PPARGC1A: variants seen among roughly 807,000 people sequenced by gnomAD.
The protein encoded by PPARGC1A is PPARG coactivator 1 alpha.
PPARGC1A carries 25 observed loss-of-function variants against 88.7 expected under a neutral mutation model. That is an observed-to-expected ratio of 0.28 (90% CI 0.21 to 0.39). The LOEUF (loss-of-function observed/expected upper bound fraction) is 0.39, where lower values mean the gene tolerates loss of function less well. Ranked by LOEUF, PPARGC1A falls within the 10% of genes least tolerant of loss-of-function variation. PPARGC1A has a pLI of 1.00. For synonymous variants in PPARGC1A, 363 were observed against 355.6 expected (o/e 1.02, Z -0.24); for missense variants, 880 against 968.7 (o/e 0.91, Z 1.22).
the PPARGC1A span, among the ~76,000 whole-genome samples, chr4:24,109,029 A>ACG: frequency 4.1e-5 from 6 of 147,168 alleles, no homozygotes; most frequent in East Asian, 1.2e-3. Context: ...CCACACACAC[A>ACG]CACACACCAC....
chr4:24,448,293 C>T, the PPARGC1A span, among the ~76,000 whole-genome samples: 1 of 152,186 alleles, frequency 6.6e-6, no homozygotes, highest in Non-Finnish European at 1.5e-5. Flanking sequence ...CCCTAGAATG[C>T]TGGTAAGCAG....
the PPARGC1A span, among the ~76,000 whole-genome samples, chr4:24,429,173 G>A: frequency 1.5e-3 from 227 of 152,294 alleles, no homozygotes; most frequent in African/African-American, 5.1e-3. Context: ...AGCTGTGTGC[G>A]TGTGTACACA....
At chr4:24,107,651 A>G in the PPARGC1A span, among the ~76,000 whole-genome samples, 47 of 152,346 alleles carry the variant, frequency 3.1e-4, 2 homozygotes, top group East Asian at 8.9e-3. Flanking sequence ...CACAAAATTT[A>G]AGGTTAGAAG....
At chr4:24,382,805 C>A in the PPARGC1A span, among the ~76,000 whole-genome samples, 1 of 152,162 alleles carries the variant, frequency 6.6e-6, no homozygotes, top group African/African-American at 2.4e-5. Context: ...TGGTTGTGGA[C>A]GCAGCTTCGG....
chr4:23,848,228 T>G (rs577220405), intron 2 of PPARGC1A, among the ~76,000 whole-genome samples: 321 of 152,348 alleles, frequency 2.1e-3, no homozygotes, highest in Non-Finnish European at 3.6e-3. Context: ...CAATATTTAC[T>G]GAATTCGTAC....
chr4:24,215,310 G>A, the PPARGC1A span, among the ~76,000 whole-genome samples: 1 of 152,222 alleles, frequency 6.6e-6, no homozygotes, highest in Non-Finnish European at 1.5e-5. Context: ...GTGCACACTT[G>A]CGTGGGATAT....
At chr4:24,137,529 T>G in the PPARGC1A span, among the ~76,000 whole-genome samples, 1 of 152,080 alleles carries the variant, frequency 6.6e-6, no homozygotes, top group East Asian at 1.9e-4. Context: ...TACAGATGCA[T>G]AAAGAGAAAC....
At chr4:23,952,669 A>G in the PPARGC1A span, among the ~76,000 whole-genome samples, 1 of 152,128 alleles carries the variant, frequency 6.6e-6, no homozygotes, top group African/African-American at 2.4e-5. Flanking sequence ...TGTAAAAAGA[A>G]TATGACTATG....
At chr4:23,983,993 T>C in the PPARGC1A span, among the ~76,000 whole-genome samples, 1 of 152,124 alleles carries the variant, frequency 6.6e-6, no homozygotes, top group Non-Finnish European at 1.5e-5. Flanking sequence ...TAACATCTTA[T>C]CACCCATTCT....
At chr4:24,381,224 A>G in the PPARGC1A span, among the ~76,000 whole-genome samples, 1 of 152,202 alleles carries the variant, frequency 6.6e-6, no homozygotes, top group South Asian at 2.1e-4. Flanking sequence ...AAAATGTGTC[A>G]TTTAGGCTTC....
At chr4:24,268,359 A>G in the PPARGC1A span, among the ~76,000 whole-genome samples, 8 of 152,198 alleles carry the variant, frequency 5.3e-5, no homozygotes, top group African/African-American at 1.9e-4. Context: ...GTTATAACAC[A>G]TGCTTAAACC....
chr4:24,213,459 C>A, the PPARGC1A span, among the ~76,000 whole-genome samples: 1 of 152,186 alleles, frequency 6.6e-6, no homozygotes, highest in African/African-American at 2.4e-5. Flanking sequence ...AGCCACCGCG[C>A]CCGGCCGATT....
chr4:24,463,887 G>A, the PPARGC1A span, among the ~76,000 whole-genome samples: 7 of 152,156 alleles, frequency 4.6e-5, no homozygotes, highest in Admixed American at 2.0e-4. Flanking sequence ...TATCCATTTT[G>A]ACTGTTTGCT....
At chr4:24,273,763 T>C in the PPARGC1A span, among the ~76,000 whole-genome samples, 1 of 144,410 alleles carries the variant, frequency 6.9e-6, no homozygotes. Context: ...AGAGTTTCAC[T>C]CTTGTTGCCC....
the PPARGC1A span, among the ~76,000 whole-genome samples, chr4:24,196,152 G>A: frequency 2.6e-5 from 4 of 152,326 alleles, no homozygotes; most frequent in East Asian, 5.8e-4. Flanking sequence ...TCATCCTGAC[G>A]GATGGTGTAC....
chr4:24,125,637 C>A, the PPARGC1A span, among the ~76,000 whole-genome samples: 3 of 152,100 alleles, frequency 2.0e-5, no homozygotes, highest in East Asian at 3.9e-4. Context: ...CAAGAGAGAT[C>A]ATCAATTTAC....
the PPARGC1A span, among the ~76,000 whole-genome samples, chr4:24,399,846 T>C: frequency 2.0e-5 from 3 of 151,678 alleles, no homozygotes; most frequent in African/African-American, 7.3e-5. Context: ...TGGAGTGCAG[T>C]GGCACGATCT....
At chr4:23,871,618 G>A (rs182106207) in intron 2 of PPARGC1A, among the ~76,000 whole-genome samples, 2 of 152,120 alleles carry the variant, frequency 1.3e-5, no homozygotes, top group African/African-American at 2.4e-5. Context: ...TTCTGACATG[G>A]GAACATATCT....
At chr4:23,851,284 C>T (rs1729249209) in intron 2 of PPARGC1A, among the ~76,000 whole-genome samples, 1 of 152,018 alleles carries the variant, frequency 6.6e-6, no homozygotes, top group Non-Finnish European at 1.5e-5. Flanking sequence ...CACACACATG[C>T]TCACACACAT....
Sources: gnomAD v4.1 joint callset for allele counts (sites outside exome capture counted in the v4.1 genomes callset) on GRCh38, gnomAD v4.1.1 for gene constraint, MANE v1.5 for transcripts, NCBI Gene and HGNC (gene_info 2026-07-23, HGNC 2026-07-21) for gene names.